Variants in SNX14 observed in about 807,000 individuals in gnomAD.
SNX14 encodes the protein sorting nexin-14.
Under a neutral mutation model 133.8 loss-of-function variants are expected in SNX14, and 93 were observed. That is an observed-to-expected ratio of 0.70 (90% CI 0.59 to 0.83). The LOEUF (loss-of-function observed/expected upper bound fraction) is 0.83, where lower values mean the gene tolerates loss of function less well. Among genes scored for constraint, SNX14 ranks in the 40% least tolerant of loss-of-function variants. The pLI is 0.00. For missense variants in SNX14, 945 were observed against 1,094.9 expected, an observed-to-expected ratio of 0.86 and a Z score of 1.93; for synonymous variants, 368 against 365.6, an observed-to-expected ratio of 1.01 and a Z score of -0.07.
chr6:85,507,358 C>T, intron 27 of SNX14, 69 bp from the exon 28 acceptor site: 2 of 1,307,074 alleles, frequency 1.5e-6, no homozygotes, highest in Non-Finnish European at 2.2e-6. Context: ...AAATGATACA[C>T]ACAAAATTAA....
At position 85,513,839 on chromosome 6, in the gene SNX14, C is replaced by T. The variant is rs750653697; in HGVS notation, c.2614G>A (p.Ala872Thr). The T allele has an allele frequency of 5.6e-6, 9 of 1,613,006 alleles. No individual in the cohort carries two copies. Among genetic ancestry groups the T allele is most frequent in the African/African-American group, 1.3e-5 (1 of 74,886 alleles). Residue 872 changes from alanine (A) to threonine (T), a missense_variant, in exon 26 of 29, where the codon GCA becomes ACA. By Grantham distance (58) the Ala-to-Thr change is moderately conservative. This residue lies in a region of SNX14 where 412 missense variants were observed against 516.6 expected (regional missense o/e 0.80). Transcript: ENST00000314673. ...ATCATTTCTTCAAAAGTCTGTTTTG[C>T]TCCTTTTTGCTTATCTTGGAGAGAG... ...PRSLQDKQKG[A>T]KQTFEEMMNY...
chr6:85,506,008 A>G lies in SNX14; in HGVS notation c.2803-3T>C, dbSNP rs760726532. 3 of 1,580,152 alleles carry G rather than the reference A, an allele frequency of 1.9e-6. No homozygotes were observed. Among genetic ancestry groups the G allele is most frequent in the Middle Eastern group, 1.7e-4 (1 of 5,994 alleles). ...ACAGAGGTAACTTCCTTTTGTACCTAAAGTAAAAATAAATCCATTTAATAG... is the reference window on the plus strand; with the variant it reads ...ACAGAGGTAACTTCCTTTTGTACCTGAAGTAAAAATAAATCCATTTAATAG... On this transcript the variant is annotated splice_region_variant and splice_polypyrimidine_tract_variant and intron_variant, in intron 28 of 28. Coordinates refer to ENST00000314673, the MANE Select transcript of SNX14 (RefSeq NM_153816.6).
intron 7 of SNX14, among the ~76,000 whole-genome samples, chr6:85,554,303 CAT>C (rs1491356702): frequency 2.1e-4 from 32 of 151,614 alleles, no homozygotes; most frequent in African/African-American, 6.3e-4. Context: ...CATATACACA[CAT>C]GTGTATATAT....
chr6:85,523,153 G>T (rs1272095738), intron 21 of SNX14, among the ~76,000 whole-genome samples: 2 of 152,138 alleles, frequency 1.3e-5, no homozygotes, highest in Non-Finnish European at 2.9e-5. Context: ...AATAATACCG[G>T]TAAGTTATAT....
chr6:85,519,198 C>A (rs1052788237), intron 21 of SNX14, among the ~76,000 whole-genome samples: 8 of 152,132 alleles, frequency 5.3e-5, no homozygotes, highest in South Asian at 4.1e-4. Flanking sequence ...TAAAAAGATA[C>A]ACAAACACTA....
chr6:85,568,404 T>C (rs1328869120), intron 4 of SNX14: 1 of 152,068 alleles, frequency 6.6e-6, no homozygotes, highest in African/African-American at 2.4e-5. Context: ...TAAAGGGGAG[T>C]TCTGGGATGC....
intron 7 of SNX14, among the ~76,000 whole-genome samples, chr6:85,554,129 CA>C (rs1313509826): frequency 2.0e-5 from 3 of 151,948 alleles, no homozygotes; most frequent in African/African-American, 7.3e-5. Flanking sequence ...TTTCAGAACA[CA>C]AAAGGAAAGG....
chr6:85,580,122 ACT>A (rs1313531357), intron 1 of SNX14, among the ~76,000 whole-genome samples: 2 of 152,042 alleles, frequency 1.3e-5, no homozygotes, highest in South Asian at 2.1e-4. Flanking sequence ...AGTAAAGATA[ACT>A]CTGTCTTTCA....
chr6:85,511,168 G>A (rs181550211), intron 26 of SNX14, among the ~76,000 whole-genome samples: 15 of 147,410 alleles, frequency 1.0e-4, no homozygotes, highest in Admixed American at 9.2e-4. Context: ...TTCCACTTTT[G>A]GGGGTGCTAA....
intron 18 of SNX14, among the ~76,000 whole-genome samples, chr6:85,531,556 AAGATCC>A (rs1364987126): frequency 6.6e-6 from 1 of 152,164 alleles, no homozygotes; most frequent in East Asian, 1.9e-4. Flanking sequence ...CTGGTCTTAA[AAGATCC>A]ATAGCATATT....
intron 21 of SNX14, among the ~76,000 whole-genome samples, chr6:85,524,295 A>G (rs1484187184): frequency 6.6e-6 from 1 of 152,224 alleles, no homozygotes. Context: ...TTGAGGACAG[A>G]GCTTAGAAAA....
chr6:85,546,727 C>T (rs1378462210), intron 12 of SNX14, among the ~76,000 whole-genome samples: 2 of 152,000 alleles, frequency 1.3e-5, no homozygotes, highest in East Asian at 3.9e-4. Context: ...CTTTGGGAGG[C>T]CGAGGTGGGT....
chr6:85,593,699 G>C lies in SNX14; in HGVS notation c.20C>G (p.Thr7Arg). 1 of 1,613,610 alleles carries C rather than the reference G, an allele frequency of 6.2e-7. No individual in the cohort carries two copies. The highest frequency in any genetic ancestry group is 8.5e-7 in the Non-Finnish European group (1 of 1,179,924). Residue 7 changes from threonine (T) to arginine (R), a missense_variant, in exon 1 of 29, where the codon ACG becomes AGG. Physicochemically the swap from Thr to Arg is moderately conservative, Grantham distance 71. This residue lies in a region of SNX14 where 514 missense variants were observed against 538.8 expected (regional missense o/e 0.95). Coordinates refer to ENST00000314673, the MANE Select transcript of SNX14 (RefSeq NM_153816.6). ...CCGCTGCTTCAGCTTCTGCCCCATC[G>C]TCCGCACCCAGGGCACCATCTCCGT... is the stretch of plus-strand genomic sequence containing the variant. MVPWVR[T>R]MGQKLKQRLR...
At chr6:85,583,624 T>C (rs1045205749) in intron 1 of SNX14, among the ~76,000 whole-genome samples, 3 of 152,092 alleles carry the variant, frequency 2.0e-5, no homozygotes, top group African/African-American at 7.2e-5. Flanking sequence ...AACAGTCAAA[T>C]CATGAGTGAA....
rs200843766 is a variant in SNX14, at chr6:85,543,151, A to G, written c.1389+31T>C. 2,031 of 1,493,432 alleles carry G rather than the reference A, an allele frequency of 1.4e-3. 2 individuals are homozygous for G. The highest frequency in any genetic ancestry group is 1.6e-3 in the Non-Finnish European group (1,771 of 1,122,754). The allele number at this position is 1,493,432 out of a possible 1,614,324, so 92.5% of individuals were successfully genotyped here. On this transcript the variant is annotated intron_variant, in intron 14 of 28. Transcript: ENST00000314673. ...AGCTACTATTAAATTATGTATAAAA[A>G]TCCTCAAACAAGGTTAATATTTTGA...
intron 5 of SNX14, among the ~76,000 whole-genome samples, chr6:85,566,026 T>A (rs773583813): frequency 3.9e-5 from 6 of 152,202 alleles, no homozygotes; most frequent in Non-Finnish European, 8.8e-5. Context: ...TCAAAGACGG[T>A]GTTGTTAACT....
intron 1 of SNX14, among the ~76,000 whole-genome samples, chr6:85,592,763 G>A (rs554127019): frequency 3.3e-5 from 5 of 151,956 alleles, no homozygotes; most frequent in Admixed American, 6.5e-5. Flanking sequence ...GCCGAGGCAG[G>A]CGGCTCACGA....
chr6:85,508,990 T>C (rs1313978223), intron 26 of SNX14, among the ~76,000 whole-genome samples: 1 of 152,226 alleles, frequency 6.6e-6, no homozygotes, highest in Non-Finnish European at 1.5e-5. Context: ...TTTCAAGATA[T>C]GTGGCCCAAT....
chr6:85,585,153 C>A (rs1800319528), intron 1 of SNX14, among the ~76,000 whole-genome samples: 1 of 152,068 alleles, frequency 6.6e-6, no homozygotes, highest in East Asian at 1.9e-4. Flanking sequence ...CCAAACACTG[C>A]ATGTTCTTAC....
Sources: allele counts gnomAD v4.1 joint callset (sites outside exome capture counted in the v4.1 genomes callset), GRCh38; gene constraint gnomAD v4.1.1; regional missense constraint gnomAD v4.1.1; transcripts MANE v1.5; gene names NCBI Gene and HGNC (gene_info 2026-07-23, HGNC 2026-07-21).